The following OPRM1 variants were observed in gnomAD, a reference collection of about 807,000 sequenced individuals.
OPRM1 encodes the protein mu-type opioid receptor.
OPRM1 carries 27 observed loss-of-function variants against 31.8 expected under a neutral mutation model. That is an observed-to-expected ratio of 0.85 (90% CI 0.63 to 1.17). The LOEUF (loss-of-function observed/expected upper bound fraction) is 1.17. Among genes scored for constraint, OPRM1 ranks in the 50% most tolerant of loss-of-function variants. OPRM1 has a pLI of 0.00. For missense variants in OPRM1, 536 were observed against 511.1 expected, an observed-to-expected ratio of 1.05 and a Z score of -0.47; for synonymous variants, 196 against 189.9, an observed-to-expected ratio of 1.03 and a Z score of -0.26.
chr6:154,219,123 G>A (rs974836738), intron 3 of OPRM1: 2 of 152,174 alleles, frequency 1.3e-5, no homozygotes, highest in Non-Finnish European at 2.9e-5. Flanking sequence ...ACACTGGGGC[G>A]GTGAGGAGGG....
At chr6:154,200,262 G>A (rs1237646034) in intron 3 of OPRM1, among the ~76,000 whole-genome samples, 1 of 152,018 alleles carries the variant, frequency 6.6e-6, no homozygotes, top group Non-Finnish European at 1.5e-5. Flanking sequence ...ACTGTTCTAG[G>A]ATCTGAAAAA....
At chr6:154,089,470 C>T (rs1317904054) in intron 1 of OPRM1, among the ~76,000 whole-genome samples, 1 of 151,714 alleles carries the variant, frequency 6.6e-6, no homozygotes, top group Non-Finnish European at 1.5e-5. Flanking sequence ...CACCTGGGAT[C>T]CCAGTTATTC....
chr6:154,181,385 G>A (rs1446717178), intron 3 of OPRM1, among the ~76,000 whole-genome samples: 5 of 152,118 alleles, frequency 3.3e-5, no homozygotes, highest in Non-Finnish European at 7.4e-5. Context: ...ACACTTCTAT[G>A]AGAAGTGTTA....
chr6:154,118,918 G>A lies in OPRM1; in HGVS notation c.*197G>A. 1 of 1,395,334 alleles carries A rather than the reference G, an allele frequency of 7.2e-7. No individual in the cohort carries two copies. The highest frequency in any genetic ancestry group is 9.3e-7 in the Non-Finnish European group (1 of 1,078,376). 86.4% of individuals were successfully genotyped at this position (1,395,334 alleles called of 1,614,324 possible). ...CCAAAAGTAAGTGGAGCATTTGGAAGGAAAGGAATATACCACACCGAGGAG... is the reference window on the plus strand; with the variant it reads ...CCAAAAGTAAGTGGAGCATTTGGAAAGAAAGGAATATACCACACCGAGGAG... On this transcript the variant is annotated 3_prime_UTR_variant, in exon 4 of 4. Transcript: ENST00000330432.
rs1366172137 is a variant in OPRM1 at position 154,039,526 on chromosome 6, C to G, written c.-19C>G. The G allele has an allele frequency of 6.3e-6, 10 of 1,599,670 alleles. No homozygotes were observed. The highest frequency in any genetic ancestry group is 8.5e-6 in the Non-Finnish European group (10 of 1,173,484). ...TCCTGGCTACCTCGCACAGCGGTGC[C>G]CGCCCGGCCGTCAGTACCATGGACA... is the stretch of plus-strand genomic sequence containing the variant. On this transcript the variant is annotated 5_prime_UTR_variant, in exon 1 of 4. Transcript: ENST00000330432.
downstream of OPRM1, among the ~76,000 whole-genome samples, chr6:154,132,533 T>C (rs1797949356): frequency 6.6e-6 from 1 of 152,204 alleles, no homozygotes; most frequent in South Asian, 2.1e-4. Flanking sequence ...ATGAATTATT[T>C]CTATTTTTAG....
Position 154,131,219 on chromosome 6 carries a change from T to C in OPRM1, c.*12498T>C, listed in dbSNP as rs1036159463. Among the ~76,000 whole-genome samples, 2 of 152,210 alleles carry C rather than the reference T, an allele frequency of 1.3e-5. No homozygotes were observed. Among genetic ancestry groups the C allele is most frequent in the Non-Finnish European group, 2.9e-5 (2 of 68,032 alleles). On this transcript the variant is annotated 3_prime_UTR_variant, in exon 4 of 4. Coordinates refer to ENST00000330432, the MANE Select transcript of OPRM1 (RefSeq NM_000914.5). Reference sequence around the variant, plus strand: ...ATAACCCTTGGTTTTAAAAGATACATATAATGTTTCCGTAGGAAAAAAATC... The same window carrying C: ...ATAACCCTTGGTTTTAAAAGATACACATAATGTTTCCGTAGGAAAAAAATC...
chr6:154,086,619 T>A lies in OPRM1; in HGVS notation c.291-3207T>A, dbSNP rs1790642721. On this transcript the variant is annotated intron_variant, in intron 1 of 3. Coordinates refer to ENST00000330432, the MANE Select transcript of OPRM1 (RefSeq NM_000914.5). Reference sequence around the variant, plus strand: ...CTCTGGAGAAGGAAATGATTTTTTTTAATTAAAATAAACATACATTGGAAA... The same window carrying A: ...CTCTGGAGAAGGAAATGATTTTTTTAAATTAAAATAAACATACATTGGAAA... The A allele has an allele frequency of 6.1e-6, 6 of 983,714 alleles. No individual in the cohort carries two copies. The South Asian group carries it at 2.8e-4, about 46-fold the overall frequency. 60.9% of individuals were successfully genotyped at this position (983,714 alleles called of 1,614,324 possible).
intron 3 of OPRM1, among the ~76,000 whole-genome samples, chr6:154,144,188 CA>C (rs1193409279): frequency 1.3e-5 from 2 of 152,060 alleles, no homozygotes; most frequent in Admixed American, 6.5e-5. Flanking sequence ...TTAAAATTCT[CA>C]AAAAAATGTC....
rs543738916 is a variant in OPRM1, at chr6:154,172,241, T to C, written c.1165-74452T>C. 3.3e-5 allele frequency among the ~76,000 whole-genome samples: 5 copies of C among 152,312 alleles called. No individual in the cohort carries two copies. In the South Asian group the frequency reaches 1.0e-3, roughly 32 times the overall value. On this transcript the variant is annotated intron_variant, in intron 3 of 3. Coordinates refer to the OPRM1 transcript ENST00000337049. ...GAAATCAATGCAGAAGACAGGTGAT[T>C]TCTGCATTCCCAACTGAAGTACCTG...
intron 3 of OPRM1, among the ~76,000 whole-genome samples, chr6:154,117,770 AAAGT>A (rs1246410121): frequency 6.6e-6 from 1 of 152,022 alleles, no homozygotes; most frequent in East Asian, 1.9e-4. Flanking sequence ...GCCTCTCCCT[AAAGT>A]GAGAATGACC....
intron 3 of OPRM1, among the ~76,000 whole-genome samples, chr6:154,201,066 T>A (rs1170816767): frequency 2.0e-5 from 3 of 152,180 alleles, no homozygotes; most frequent in Admixed American, 6.5e-5. Flanking sequence ...TCACTCACTC[T>A]TTCTGCTGCC....
intron 1 of OPRM1, among the ~76,000 whole-genome samples, chr6:154,015,722 CTG>C (rs1055623784): frequency 1.3e-4 from 19 of 151,172 alleles, no homozygotes; most frequent in African/African-American, 4.6e-4. Context: ...AAATGACAAA[CTG>C]AAAAAAAATA....
intron 3 of OPRM1, among the ~76,000 whole-genome samples, chr6:154,147,326 A>C (rs1798384755): frequency 6.6e-6 from 1 of 152,184 alleles, no homozygotes; most frequent in Non-Finnish European, 1.5e-5. Flanking sequence ...TGATTTCTGG[A>C]GAAACTTCCA....
At chr6:154,223,560 C>A (rs199762291) in intron 3 of OPRM1, among the ~76,000 whole-genome samples, 30 of 151,802 alleles carry the variant, frequency 2.0e-4, no homozygotes, top group Non-Finnish European at 3.7e-4. Flanking sequence ...GCTAACCCAA[C>A]AGTCATGTCT....
chr6:154,161,624 A>T (rs942575386), intron 3 of OPRM1, among the ~76,000 whole-genome samples: 1 of 152,136 alleles, frequency 6.6e-6, no homozygotes, highest in East Asian at 1.9e-4. Flanking sequence ...TTATGTTCTC[A>T]TGCCTTCCAA....
chr6:154,229,862 C>G (rs757460504), intron 3 of OPRM1, among the ~76,000 whole-genome samples: 3 of 152,148 alleles, frequency 2.0e-5, no homozygotes, highest in Non-Finnish European at 2.9e-5. Context: ...CACAGCCATA[C>G]GACGAAATGC....
At chr6:154,140,007 C>T (rs888092885) in intron 3 of OPRM1, among the ~76,000 whole-genome samples, 12 of 152,186 alleles carry the variant, frequency 7.9e-5, no homozygotes, top group Admixed American at 2.0e-4. Context: ...GCAACCATCC[C>T]ATCTCCAGTT....
rs1797170839 is a variant in OPRM1 at position 154,119,197 on chromosome 6, A to G, written c.*476A>G. On this transcript the variant is annotated 3_prime_UTR_variant, in exon 4 of 4. Transcript: ENST00000330432. The stretch of plus-strand genomic sequence containing the variant: ...TGCAAGGGAATGAATCCATTATTCT[A>G]TTTTAGACTTTTAACTTCACCTTAA... 4.1e-6 allele frequency: 4 copies of G among 986,412 alleles called. No homozygotes were observed. The highest frequency in any genetic ancestry group is 4.7e-5 in the South Asian group (1 of 21,300). The allele number at this position is 986,412 out of a possible 1,614,324, so 61.1% of individuals were successfully genotyped here. A position where few individuals can be genotyped will look rare whatever the true frequency, so the allele number is the denominator to read the frequency against.
Sources: gnomAD v4.1 joint callset for allele counts (sites outside exome capture counted in the v4.1 genomes callset) on GRCh38, gnomAD v4.1.1 for gene constraint, MANE v1.5 for transcripts, NCBI Gene and HGNC (gene_info 2026-07-23, HGNC 2026-07-21) for gene names.